Variants in ZBTB4 observed in about 807,000 individuals in gnomAD.
The protein encoded by ZBTB4 is zinc finger and BTB domain containing 4.
ZBTB4 carries 14 observed loss-of-function variants against 59.8 expected under a neutral mutation model. That is an observed-to-expected ratio of 0.23 (90% CI 0.15 to 0.37). The LOEUF is 0.37. Ranked by LOEUF, ZBTB4 falls within the 10% of genes least tolerant of loss-of-function variation. The probability of loss-of-function intolerance (pLI) is 1.00; values close to 1 mark genes in which losing one functional copy is unlikely to be tolerated. For missense variants in ZBTB4, 1,198 were observed against 1,380.8 expected (o/e 0.87, Z 2.10); for synonymous variants, 587 against 575.2 (o/e 1.02, Z -0.29).
intron 1 of ZBTB4, among the ~76,000 whole-genome samples, chr17:7,472,374 A>G (rs2070210273): frequency 6.6e-6 from 1 of 152,030 alleles, no homozygotes; most frequent in South Asian, 2.1e-4. Context: ...TATTTTTAGT[A>G]GAGACGAGGT....
chr17:7,465,062 A>G (rs1238214829), intron 3 of ZBTB4, among the ~76,000 whole-genome samples: 2 of 150,516 alleles, frequency 1.3e-5, no homozygotes, highest in African/African-American at 2.4e-5. Flanking sequence ...AGGCTGAGGC[A>G]GGAGAATGGC....
intron 1 of ZBTB4, among the ~76,000 whole-genome samples, chr17:7,467,766 T>C (rs974053899): frequency 6.6e-6 from 1 of 152,214 alleles, no homozygotes; most frequent in African/African-American, 2.4e-5. Context: ...CATATCAAAA[T>C]AATTTGTGAG....
chr17:7,462,597 G>C lies in ZBTB4; in HGVS notation c.2385C>G (p.Thr795=). The change falls in exon 4 of 4, where the codon ACC becomes ACG. Residue 795 remains threonine, a synonymous_variant. Coordinates refer to ENST00000380599, the MANE Select transcript of ZBTB4 (RefSeq NM_001128833.2). The surrounding 1 kb of genome is among the most constrained non-coding windows in gnomAD (Gnocchi z 7.5). ...QRHAAERPGG[T]PTPVIAYSKG... ...TGGAATAGGCAATGACAGGGGTTGGGGTGCCCCCGGGCCGCTCAGCAGCAT... is the reference window on the plus strand; with the variant it reads ...TGGAATAGGCAATGACAGGGGTTGGCGTGCCCCCGGGCCGCTCAGCAGCAT... The C allele has an allele frequency of 6.2e-7, 1 of 1,611,724 alleles. No homozygotes were observed. Among genetic ancestry groups the C allele is most frequent in the East Asian group, 2.2e-5 (1 of 44,864 alleles).
upstream of ZBTB4, chr17:7,482,166 C>T (rs2070352935): frequency 2.5e-6 from 4 of 1,614,154 alleles, no homozygotes; most frequent in East Asian, 4.5e-5. Flanking sequence ...TCTCATATGG[C>T]TTACCAGGCT....
chr17:7,462,363 C>T lies in ZBTB4; in HGVS notation c.2619G>A (p.Gln873=), dbSNP rs752166958. 3 of 1,613,946 alleles carry T rather than the reference C, an allele frequency of 1.9e-6. No individual in the cohort carries two copies. Among genetic ancestry groups the T allele is most frequent in the Non-Finnish European group, 2.5e-6 (3 of 1,179,986 alleles). ...CCCCAATCAAGGCCAGTGGAAATTC[C>T]TGCACAGGTGGGTATACATAGCTGC... ...SGGSYVYPPV[Q]EFPLALIGGG... Residue 873 remains glutamine (Q), a synonymous_variant, in exon 4 of 4, where the codon CAG becomes CAA. Transcript: ENST00000380599. The surrounding 1 kb of genome is among the most constrained non-coding windows in gnomAD (Gnocchi z 7.5).
Position 7,462,940 on chromosome 17 carries a change from CCTCCAGCAG to C in ZBTB4, c.2033_2041del (p.Ala678_Gly680del), listed in dbSNP as rs763643621. 7 of 1,608,762 alleles carry C rather than the reference CCTCCAGCAG, an allele frequency of 4.4e-6. No individual in the cohort carries two copies. In the Admixed American group the frequency reaches 1.0e-4, roughly 23 times the overall value. The stretch of plus-strand genomic sequence containing the variant: ...CAGCCCACTGCCCCCCACACTGGCA[CCTCCAGCAG>C]CTCCAGCCTTGCGCTTAGGCTTGTA... On this transcript the variant is annotated inframe_deletion, in exon 4 of 4. Coordinates refer to ENST00000380599, the MANE Select transcript of ZBTB4 (RefSeq NM_001128833.2). The surrounding 1 kb of genome is among the most constrained non-coding windows in gnomAD (Gnocchi z 7.5).
intron 1 of ZBTB4, among the ~76,000 whole-genome samples, chr17:7,474,233 T>TTTTTTTTTG (rs2070238437): frequency 6.7e-6 from 1 of 149,862 alleles, no homozygotes; most frequent in Non-Finnish European, 1.5e-5. Context: ...TTTTTTTTTT[T>TTTTTTTTTG]GACATGAGGT....
In ZBTB4 at chr17:7,463,476, G is replaced by C; in HGVS notation, c.1506C>G (p.Ser502=). 1 of 1,538,812 alleles carries C rather than the reference G, an allele frequency of 6.5e-7. No homozygotes were observed. Among genetic ancestry groups the C allele is most frequent in the Non-Finnish European group, 8.8e-7 (1 of 1,142,602 alleles). The stretch of plus-strand genomic sequence containing the variant: ...TGTAAGTGATAACCGAGGCAGCTTG[G>C]GACCCTCCTGTGCTGGCCGTCCCAC... ...GGSGTASTGG[S]QAASVITYTA... Residue 502 remains serine, a synonymous_variant, in exon 4 of 4, where the codon TCC becomes TCG. Coordinates refer to ENST00000380599, the MANE Select transcript of ZBTB4 (RefSeq NM_001128833.2).
rs1289443122 is a variant in ZBTB4 at position 7,462,346 on chromosome 17, A to G, written c.2636T>C (p.Leu879Ser). 5 of 1,613,456 alleles carry G rather than the reference A, an allele frequency of 3.1e-6. No homozygotes were observed. Among genetic ancestry groups the G allele is most frequent in the East Asian group, 2.2e-5 (1 of 44,860 alleles). ...GCCAGGTTCCCGGCCGCCCCCAATC[A>G]AGGCCAGTGGAAATTCCTGCACAGG... ...YPPVQEFPLA[L>S]IGGGREPGGG... Residue 879 changes from leucine (L) to serine (S), a missense_variant, in exon 4 of 4, where the codon TTG becomes TCG. Coordinates refer to ENST00000380599, the MANE Select transcript of ZBTB4 (RefSeq NM_001128833.2). This position sits in a 1 kb window ranked among gnomAD's most constrained non-coding sequence, Gnocchi z 7.5.
At position 7,461,403 on chromosome 17, in the gene ZBTB4, T is replaced by C. The variant is rs2070018235; in HGVS notation, c.*537A>G. On this transcript the variant is annotated 3_prime_UTR_variant, in exon 4 of 4. Transcript: ENST00000380599. ...GAAACAGGGACGTAGAGACCCACGCTGGGGAAGGATGAAACCCAAAGCCAC... is the reference window on the plus strand; with the variant it reads ...GAAACAGGGACGTAGAGACCCACGCCGGGGAAGGATGAAACCCAAAGCCAC... The C allele has an allele frequency of 6.5e-6, 1 of 152,784 alleles. No homozygotes were observed. Among genetic ancestry groups the C allele is most frequent in the Non-Finnish European group, 1.5e-5 (1 of 68,218 alleles). 9.5% of individuals were successfully genotyped at this position (152,784 alleles called of 1,614,324 possible).
chr17:7,462,694 G>T lies in ZBTB4; in HGVS notation c.2288C>A (p.Thr763Asn). Reference sequence around the variant, plus strand: ...GGCGCAGTGGGGGCAGGTAAAGCGGGTGGAGGGCCTCCGTCCGGCCCGGGA... The same window carrying T: ...GGCGCAGTGGGGGCAGGTAAAGCGGTTGGAGGGCCTCCGTCCGGCCCGGGA... Reference protein sequence around the residue: ...HSSRAGRRPSTRFTCPHCAKV... With the variant: ...HSSRAGRRPSNRFTCPHCAKV... The change falls in exon 4 of 4, where the codon ACC (threonine) becomes AAC (asparagine). Residue 763 changes from threonine to asparagine, a missense_variant. Around this residue, in one of 9 missense-constraint regions of ZBTB4, gnomAD observed 550 missense variants for 541.8 expected, o/e 1.02. Coordinates refer to ENST00000380599, the MANE Select transcript of ZBTB4 (RefSeq NM_001128833.2). The surrounding 1 kb of genome is among the most constrained non-coding windows in gnomAD (Gnocchi z 7.5). The T allele has an allele frequency of 1.9e-6, 3 of 1,605,912 alleles. No individual in the cohort carries two copies. In the South Asian group the frequency reaches 3.3e-5, roughly 18 times the overall value.
At chr17:7,475,464 C>A (rs762798637) in intron 1 of ZBTB4, among the ~76,000 whole-genome samples, 2 of 152,046 alleles carry the variant, frequency 1.3e-5, no homozygotes, top group Non-Finnish European at 2.9e-5. Flanking sequence ...GTACAGCCAC[C>A]CACAATAGGT....
Position 7,465,918 on chromosome 17 carries a change from C to A in ZBTB4, c.884G>T (p.Gly295Val). ...ALPPPVGFRG[G>V]PEHVVKVVGG... is the part of the protein sequence containing the mutation. ...CACCACCTTCACCACGTGCTCGGGG[C>A]CCCCTCGGAAGCCCACTGGTGGAGG... The change falls in exon 3 of 4, where the codon GGC becomes GTC. Residue 295 changes from glycine to valine, a missense_variant. Around this residue, in one of 9 missense-constraint regions of ZBTB4, gnomAD observed 204 missense variants for 205.5 expected, o/e 0.99. Transcript: ENST00000380599. 2 of 1,610,538 alleles carry A rather than the reference C, an allele frequency of 1.2e-6. No individual in the cohort carries two copies. Among genetic ancestry groups the A allele is most frequent in the East Asian group, 2.2e-5 (1 of 44,810 alleles).
At chr17:7,478,263 C>T (rs1231079151) in intron 1 of ZBTB4, among the ~76,000 whole-genome samples, 3 of 152,184 alleles carry the variant, frequency 2.0e-5, no homozygotes, top group African/African-American at 7.2e-5. Context: ...CCTCGCTTGG[C>T]TGCCCATGAT....
intron 1 of ZBTB4, among the ~76,000 whole-genome samples, chr17:7,468,003 G>C (rs143198024): frequency 6.6e-6 from 1 of 152,220 alleles, no homozygotes; most frequent in Admixed American, 6.5e-5. Context: ...GAGACCTGAT[G>C]CCCTAGGGAT....
chr17:7,469,461 T>A (rs995482929), intron 1 of ZBTB4, among the ~76,000 whole-genome samples: 3 of 150,552 alleles, frequency 2.0e-5, no homozygotes, highest in African/African-American at 7.3e-5. Flanking sequence ...CCTCCATGCC[T>A]GGCCACTTTC....
In ZBTB4 at chr17:7,462,954, A is replaced by G. The variant is rs149893188; in HGVS notation, c.2028T>C (p.Ala676=). ...CCACACTGGCACCTCCAGCAGCTCC[A>G]GCCTTGCGCTTAGGCTTGTAGGAGT... ...PYYSYKPKRK[A]GAAGGASVGG... The change falls in exon 4 of 4, where the codon GCT becomes GCC. Residue 676 remains alanine, a synonymous_variant. Transcript: ENST00000380599. This position sits in a 1 kb window ranked among gnomAD's most constrained non-coding sequence, Gnocchi z 7.5. 1.9e-6 allele frequency: 3 copies of G among 1,608,176 alleles called. No individual in the cohort carries two copies. In the African/African-American group the frequency reaches 4.0e-5, roughly 22 times the overall value.
At chr17:7,482,389 A>G, upstream of ZBTB4, 1 of 1,613,944 alleles carries the variant, frequency 6.2e-7, no homozygotes, top group South Asian at 1.1e-5. Context: ...CTGTTCGCAA[A>G]GGTTCTTCCA....
chr17:7,478,413 T>C (rs1243270011), intron 1 of ZBTB4, among the ~76,000 whole-genome samples: 5 of 151,994 alleles, frequency 3.3e-5, no homozygotes, highest in Admixed American at 6.6e-5. Flanking sequence ...GCAGCCCCCA[T>C]GCAACGCGCT....
Sources: gnomAD v4.1 joint callset for allele counts (sites outside exome capture counted in the v4.1 genomes callset) on GRCh38, gnomAD v4.1.1 for gene constraint, gnomAD v4.1.1 regional missense constraint, Gnocchi (gnomAD v3.1) non-coding constraint, MANE v1.5 for transcripts, NCBI Gene and HGNC (gene_info 2026-07-23, HGNC 2026-07-21) for gene names.